The following KDM4C variants were observed in gnomAD, a reference collection of about 807,000 sequenced individuals.
KDM4C encodes lysine-specific demethylase 4C.
A neutral mutation model predicts 129.3 loss-of-function variants in KDM4C; 81 were observed. The observed-to-expected ratio is 0.63, with a 90% CI of 0.52 to 0.75. KDM4C has a LOEUF of 0.75. Among genes scored for constraint, KDM4C ranks in the 30% least tolerant of loss-of-function variants. KDM4C has a pLI of 0.00. For missense variants in KDM4C, 1,457 were observed against 1,304.0 expected (o/e 1.12, Z -1.81); for synonymous variants, 573 against 456.1 (o/e 1.26, Z -3.26).
At position 6,791,909 on chromosome 9, in the gene KDM4C, C is replaced by G. The variant is rs117036261; in HGVS notation, c.-17-1063C>G. The stretch of plus-strand genomic sequence containing the variant: ...TGGTAGACCATGCCTGTAATCCGAG[C>G]TACCCGGAAGGCTGAGGCAGGAGAA... On this transcript the variant is annotated intron_variant, in intron 1 of 21. Transcript: ENST00000381309. 1.9e-3 allele frequency among the ~76,000 whole-genome samples: 292 copies of G among 152,282 alleles called. 8 individuals carry two copies. The East Asian group carries it at 0.051, about 27-fold the overall frequency.
chr9:6,803,497 G>A (rs1039846934), intron 2 of KDM4C, among the ~76,000 whole-genome samples: 3 of 151,656 alleles, frequency 2.0e-5, no homozygotes, highest in African/African-American at 7.3e-5. Context: ...TTGACCCCGG[G>A]AGGTGGAGGT....
chr9:6,739,950 T>A (rs1012285020), intron 1 of KDM4C, among the ~76,000 whole-genome samples: 3 of 152,190 alleles, frequency 2.0e-5, no homozygotes, highest in Non-Finnish European at 2.9e-5. Context: ...AGTGCAGTGG[T>A]GTGATCTTGG....
At chr9:6,915,764 G>C (rs1230580140) in intron 8 of KDM4C, among the ~76,000 whole-genome samples, 1 of 152,154 alleles carries the variant, frequency 6.6e-6, no homozygotes, top group Non-Finnish European at 1.5e-5. Flanking sequence ...CGAAGAACAA[G>C]GAAAGGGCTA....
At chr9:7,053,060 A>T (rs911407433) in intron 17 of KDM4C, among the ~76,000 whole-genome samples, 1 of 152,218 alleles carries the variant, frequency 6.6e-6, no homozygotes, top group African/African-American at 2.4e-5. Flanking sequence ...TTTTCTGAAT[A>T]AGTAATAAAC....
At chr9:6,930,644 G>A (rs1823517947) in intron 8 of KDM4C, among the ~76,000 whole-genome samples, 1 of 147,096 alleles carries the variant, frequency 6.8e-6, no homozygotes, top group African/African-American at 2.5e-5. Flanking sequence ...TATGTAATAT[G>A]AATACATACT....
chr9:6,915,433 G>C lies in KDM4C; in HGVS notation c.921+22201G>C, dbSNP rs142845115. On this transcript the variant is annotated intron_variant, in intron 8 of 21. Transcript: ENST00000381309. ...ACTACTACTGTGATGAACACTTGGA[G>C]ATGCCTGCCACTTTGAGGTTCGGGG... Among the ~76,000 whole-genome samples the C allele has an allele frequency of 7.2e-5, 11 of 152,260 alleles. No individual in the cohort carries two copies. In the East Asian group the frequency reaches 2.1e-3, roughly 29 times the overall value.
At chr9:6,873,196 C>T (rs915806806) in intron 5 of KDM4C, among the ~76,000 whole-genome samples, 14 of 152,154 alleles carry the variant, frequency 9.2e-5, no homozygotes, top group Non-Finnish European at 1.9e-4. Flanking sequence ...GGGGTTTCAC[C>T]ATGTTGGCCA....
chr9:6,861,493 T>G (rs1023165376), intron 5 of KDM4C, among the ~76,000 whole-genome samples: 2 of 152,204 alleles, frequency 1.3e-5, no homozygotes. Flanking sequence ...ATATAGGAAA[T>G]TTTAGAATTA....
chr9:6,957,632 C>A (rs1043788538), intron 8 of KDM4C, among the ~76,000 whole-genome samples: 1 of 152,032 alleles, frequency 6.6e-6, no homozygotes, highest in Non-Finnish European at 1.5e-5. Flanking sequence ...TGTGTTGTGA[C>A]TGATATTTTC....
At chr9:6,886,977 T>A (rs1845394584) in intron 6 of KDM4C, among the ~76,000 whole-genome samples, 1 of 152,230 alleles carries the variant, frequency 6.6e-6, no homozygotes, top group South Asian at 2.1e-4. Context: ...GATGTCACAT[T>A]TCCAGCAGTT....
intron 18 of KDM4C, among the ~76,000 whole-genome samples, chr9:7,120,128 C>T (rs1002748942): frequency 4.6e-5 from 7 of 151,824 alleles, no homozygotes; most frequent in South Asian, 4.2e-4. Flanking sequence ...GAGTTCACTG[C>T]TGTAGAATGC....
intron 5 of KDM4C, among the ~76,000 whole-genome samples, chr9:6,856,640 A>G (rs1839899385): frequency 6.7e-6 from 1 of 148,636 alleles, no homozygotes; most frequent in South Asian, 2.1e-4. Context: ...TGTTGCGATG[A>G]TGGCTAACTG....
rs73409575 is a variant in KDM4C, at chr9:7,104,541, A to G, written c.2610+671A>G. Among the ~76,000 whole-genome samples the G allele has an allele frequency of 6.3e-3, 952 of 152,316 alleles. 12 individuals are homozygous for G. The highest frequency in any genetic ancestry group is 0.021 in the African/African-American group (893 of 41,574). On this transcript the variant is annotated intron_variant, in intron 18 of 21. Coordinates refer to ENST00000381309, the MANE Select transcript of KDM4C (RefSeq NM_015061.6). ...GTTTGCAACCAAATAATATGAATTTAGCCATATTTCTGTTGACCTGTCCTT... is the reference window on the plus strand; with the variant it reads ...GTTTGCAACCAAATAATATGAATTTGGCCATATTTCTGTTGACCTGTCCTT...
chr9:7,090,020 T>G (rs1286732578), intron 17 of KDM4C, among the ~76,000 whole-genome samples: 1 of 152,216 alleles, frequency 6.6e-6, no homozygotes, highest in Admixed American at 6.5e-5. Flanking sequence ...CCCCCAAGCC[T>G]CCTCTTTGTA....
intron 1 of KDM4C, among the ~76,000 whole-genome samples, chr9:6,752,332 C>CAAAAAAAA (rs1159747148): frequency 2.6e-3 from 50 of 19,264 alleles, no homozygotes; most frequent in Non-Finnish European, 3.5e-3. Context: ...AACTCCGTCT[C>CAAAAAAAA]AAAAAAAAAA....
At chr9:6,875,663 T>A (rs954235232) in intron 5 of KDM4C, among the ~76,000 whole-genome samples, 1 of 152,222 alleles carries the variant, frequency 6.6e-6, no homozygotes, top group Non-Finnish European at 1.5e-5. Context: ...TTATTCACAC[T>A]AACTGCCATA....
intron 14 of KDM4C, 25 bp downstream of exon 14, chr9:7,014,026 T>A: frequency 6.3e-7 from 1 of 1,579,448 alleles, no homozygotes; most frequent in African/African-American, 1.4e-5. Flanking sequence ...AATTCATCAA[T>A]CACTGGCTTT....
intron 4 of KDM4C, among the ~76,000 whole-genome samples, chr9:6,832,739 TTTA>T (rs1835106459): frequency 7.0e-6 from 1 of 143,446 alleles, no homozygotes; most frequent in African/African-American, 2.6e-5. Flanking sequence ...TTTTTTTTTT[TTTA>T]CGGAGATGGA....
At chr9:6,949,210 G>A (rs1400410132) in intron 8 of KDM4C, among the ~76,000 whole-genome samples, 1 of 150,714 alleles carries the variant, frequency 6.6e-6, no homozygotes, top group Non-Finnish European at 1.5e-5. Context: ...CTTCTCAGAC[G>A]GGGCGGCCGG....
Sources: allele counts gnomAD v4.1 joint callset (sites outside exome capture counted in the v4.1 genomes callset), GRCh38; gene constraint gnomAD v4.1.1; transcripts MANE v1.5; gene names NCBI Gene and HGNC (gene_info 2026-07-23, HGNC 2026-07-21).